AP1S3: variants seen among roughly 807,000 people sequenced by gnomAD.
AP1S3 encodes AP-1 complex subunit sigma-3.
A neutral mutation model predicts 20.9 loss-of-function variants in AP1S3; 10 were observed. The ratio of observed to expected loss-of-function variants is 0.48; its 90% CI spans 0.29 to 0.81. AP1S3 has a LOEUF of 0.81. Among genes scored for constraint, AP1S3 ranks in the 30% least tolerant of loss-of-function variants. The probability of loss-of-function intolerance (pLI) is 0.08; values close to 1 mark genes in which losing one functional copy is unlikely to be tolerated. For synonymous variants in AP1S3, 41 were observed against 61.5 expected (o/e 0.67, Z 1.56); for missense variants, 154 against 183.8 (o/e 0.84, Z 0.94).
intron 1 of AP1S3, among the ~76,000 whole-genome samples, chr2:223,787,278 C>A (rs1345608161): frequency 6.6e-6 from 1 of 152,174 alleles, no homozygotes; most frequent in South Asian, 2.1e-4. Flanking sequence ...GCCAATTAAA[C>A]CTGTTTTCTT....
rs79368358 is a variant in AP1S3 at position 223,833,800 on chromosome 2, G to C, written c.3+3648C>G. On this transcript the variant is annotated intron_variant, in intron 1 of 4. Coordinates refer to ENST00000396654, the MANE Select transcript of AP1S3 (RefSeq NM_001039569.2). ...ATTTACAATGGCAAAGCTGTTTGAA[G>C]CGCCTTCACACGCATTCACTTATGG... 7.4e-3 allele frequency among the ~76,000 whole-genome samples: 1,132 copies of C among 152,370 alleles called. 12 individuals are homozygous for C. Among genetic ancestry groups the C allele is most frequent in the African/African-American group, 0.026 (1,077 of 41,588 alleles).
chr2:223,777,377 A>G (rs565838068), intron 2 of AP1S3, among the ~76,000 whole-genome samples: 1 of 152,236 alleles, frequency 6.6e-6, no homozygotes, highest in South Asian at 2.1e-4. Context: ...CCTGGGTGAC[A>G]GAGCAAGATT....
At chr2:223,805,265 T>G (rs1401434349) in intron 1 of AP1S3, among the ~76,000 whole-genome samples, 2 of 152,112 alleles carry the variant, frequency 1.3e-5, no homozygotes, top group East Asian at 3.9e-4. Context: ...ATGATGAAAC[T>G]CCATCTCTAC....
rs200312403 is a variant in AP1S3, at chr2:223,777,781, A to G, written c.92T>C (p.Ile31Thr). 15 of 1,614,134 alleles carry G rather than the reference A, an allele frequency of 9.3e-6. No homozygotes were observed. The highest frequency in any genetic ancestry group is 1.2e-5 in the Non-Finnish European group (14 of 1,180,020). The change falls in exon 2 of 5, where the codon ATC becomes ACC. Residue 31 changes from isoleucine (I) to threonine (T), a missense_variant. By Grantham distance (89) the Ile-to-Thr change is moderately conservative. Transcript: ENST00000396654. The part of the protein sequence containing the change: ...ITLPDKERKK[I>T]TREIVQIILS... Reference sequence around the variant, plus strand: ...AATAATCTGAACAATTTCCCGGGTGATCTTCTTCCTCTCTTTATCAGGGAG... The same window carrying G: ...AATAATCTGAACAATTTCCCGGGTGGTCTTCTTCCTCTCTTTATCAGGGAG...
At chr2:223,828,163 T>G (rs1692177197) in intron 1 of AP1S3, among the ~76,000 whole-genome samples, 1 of 150,970 alleles carries the variant, frequency 6.6e-6, no homozygotes, top group Non-Finnish European at 1.5e-5. Flanking sequence ...TGCCAGGCCC[T>G]GTGCTGATTG....
Position 223,802,669 on chromosome 2 carries a change from T to A in AP1S3, c.4-24800A>T, listed in dbSNP as rs181075962. Among the ~76,000 whole-genome samples, 24 of 152,234 alleles carry A rather than the reference T, an allele frequency of 1.6e-4. No individual in the cohort carries two copies. In the East Asian group the frequency reaches 3.7e-3, roughly 23 times the overall value. On this transcript the variant is annotated intron_variant, in intron 1 of 4. Coordinates refer to ENST00000396654, the MANE Select transcript of AP1S3 (RefSeq NM_001039569.2). ...CCCAAACGCACCAAAGCCCAACTCT[T>A]AATAGTGTACTTCACTTTCATTTAC...
chr2:223,805,956 G>C (rs1283776899), intron 1 of AP1S3, among the ~76,000 whole-genome samples: 1 of 152,126 alleles, frequency 6.6e-6, no homozygotes, highest in Non-Finnish European at 1.5e-5. Flanking sequence ...AATGTCACAG[G>C]AGTTGGCACT....
intron 1 of AP1S3, among the ~76,000 whole-genome samples, chr2:223,829,600 A>G (rs1385606862): frequency 3.3e-5 from 5 of 152,020 alleles, no homozygotes; most frequent in African/African-American, 1.2e-4. Flanking sequence ...GAACCCAGGA[A>G]GCAGAGGTTG....
chr2:223,762,986 C>T (rs1161681963), intron 4 of AP1S3, among the ~76,000 whole-genome samples: 1 of 152,072 alleles, frequency 6.6e-6, no homozygotes, highest in Admixed American at 6.5e-5. Flanking sequence ...ACTACTGGCT[C>T]CTATCCAGTT....
rs752831401 is a variant in AP1S3, at chr2:223,758,314, T to G, written c.*401A>C. 81 of 980,038 alleles carry G rather than the reference T, an allele frequency of 8.3e-5. No individual in the cohort carries two copies. The highest frequency in any genetic ancestry group is 9.6e-5 in the Non-Finnish European group (79 of 823,550). 60.7% of individuals were successfully genotyped at this position (980,038 alleles called of 1,614,324 possible). ...GAAAACTAAACATTTAGAAAAAGTA[T>G]TAATGACATCATATATACTTTACAT... On this transcript the variant is annotated 3_prime_UTR_variant, in exon 5 of 5. Coordinates refer to ENST00000396654, the MANE Select transcript of AP1S3 (RefSeq NM_001039569.2).
chr2:223,777,697 T>C lies in AP1S3; in HGVS notation c.176A>G (p.Tyr59Cys), dbSNP rs1253243023. The C allele has an allele frequency of 6.2e-7, 1 of 1,612,434 alleles. No individual in the cohort carries two copies. The highest frequency in any genetic ancestry group is 8.5e-7 in the Non-Finnish European group (1 of 1,179,564). The change falls in exon 2 of 5, where the codon TAT becomes TGT. Residue 59 changes from tyrosine to cysteine, a missense_variant. By Grantham distance (194) the Tyr-to-Cys change is radical (BLOSUM62 -2). Transcript: ENST00000396654. ...FVDWKELKLV[Y>C]KRYASLYFCC... Reference sequence around the variant, plus strand: ...CTCAAAAAGTTACTCACACCTTTTATAAACAAGTTTTAGCTCCTTCCAGTC... The same window carrying C: ...CTCAAAAAGTTACTCACACCTTTTACAAACAAGTTTTAGCTCCTTCCAGTC...
chr2:223,822,591 G>A (rs1033386180), intron 1 of AP1S3, among the ~76,000 whole-genome samples: 2 of 152,076 alleles, frequency 1.3e-5, no homozygotes, highest in Admixed American at 1.3e-4. Flanking sequence ...GGCTGAGGCA[G>A]GAGAATCGCT....
At chr2:223,780,080 C>T (rs1323663793) in intron 1 of AP1S3, among the ~76,000 whole-genome samples, 1 of 151,628 alleles carries the variant, frequency 6.6e-6, no homozygotes, top group African/African-American at 2.4e-5. Context: ...TGAAACCATG[C>T]TTTTTACTCA....
intron 1 of AP1S3, among the ~76,000 whole-genome samples, chr2:223,824,477 G>A (rs1378356795): frequency 6.6e-6 from 1 of 152,196 alleles, no homozygotes; most frequent in African/African-American, 2.4e-5. Flanking sequence ...TTGAGTGGCT[G>A]AGGCACCGCC....
rs1415503787 is a variant in AP1S3 at position 223,756,690 on chromosome 2, G to GT, written c.*2024dup. 1 of 985,178 alleles carries GT rather than the reference G, an allele frequency of 1.0e-6. No individual in the cohort carries two copies. Among genetic ancestry groups the GT allele is most frequent in the Non-Finnish European group, 1.2e-6 (1 of 829,886 alleles). The allele number at this position is 985,178 out of a possible 1,614,324, so 61.0% of individuals were successfully genotyped here. A position where few individuals can be genotyped will look rare whatever the true frequency, so the allele number is the denominator to read the frequency against. ...TCTGAGTTATTTCCTTTGAACAATG[G>GT]TTATATTGAGGAATTGGTGAATTTT... On this transcript the variant is annotated 3_prime_UTR_variant, in exon 5 of 5. Coordinates refer to ENST00000396654, the MANE Select transcript of AP1S3 (RefSeq NM_001039569.2).
At position 223,795,547 on chromosome 2, in the gene AP1S3, T is replaced by G. The variant is rs112701428; in HGVS notation, c.4-17678A>C. ...GGTGTAACTCAATCACTGTTCCGGA[T>G]TTCATCCAGGGCCTGCTGGGCATTT... On this transcript the variant is annotated intron_variant, in intron 1 of 4. Coordinates refer to ENST00000396654, the MANE Select transcript of AP1S3 (RefSeq NM_001039569.2). Among the ~76,000 whole-genome samples, 304 of 152,158 alleles carry G rather than the reference T, an allele frequency of 2.0e-3. 1 individual carries two copies. The highest frequency in any genetic ancestry group is 6.7e-3 in the African/African-American group (277 of 41,504).
intron 1 of AP1S3, among the ~76,000 whole-genome samples, chr2:223,803,496 G>GAA (rs1298893180): frequency 2.6e-5 from 4 of 152,126 alleles, no homozygotes; most frequent in Admixed American, 2.6e-4. Flanking sequence ...TGTACTCAAC[G>GAA]AAAATTGTTC....
In AP1S3 at chr2:223,758,658, G is replaced by A. The variant is rs151312965; in HGVS notation, c.*57C>T. ...TCCATCAAAAAACCGGATGGGAGGC[G>A]TTGCTTATTTACAGCTTCATAACAT... On this transcript the variant is annotated 3_prime_UTR_variant, in exon 5 of 5. Coordinates refer to ENST00000396654, the MANE Select transcript of AP1S3 (RefSeq NM_001039569.2). 3.3e-4 allele frequency: 496 copies of A among 1,508,124 alleles called. 1 individual carries two copies. The East Asian group carries it at 6.4e-3, about 20-fold the overall frequency. 93.4% of individuals were successfully genotyped at this position (1,508,124 alleles called of 1,614,324 possible).
intron 1 of AP1S3, among the ~76,000 whole-genome samples, chr2:223,780,509 T>G (rs2106094026): frequency 6.6e-6 from 1 of 151,542 alleles, no homozygotes; most frequent in Middle Eastern, 3.4e-3. Flanking sequence ...CACTGCAGCT[T>G]CAGCCTCCCA....
Sources: gnomAD v4.1 joint callset for allele counts (sites outside exome capture counted in the v4.1 genomes callset) on GRCh38, gnomAD v4.1.1 for gene constraint, MANE v1.5 for transcripts, NCBI Gene and HGNC (gene_info 2026-07-23, HGNC 2026-07-21) for gene names.